KIF27: variants seen among roughly 807,000 people sequenced by gnomAD.
KIF27 encodes kinesin-like protein KIF27.
A neutral mutation model predicts 141.8 loss-of-function variants in KIF27; 84 were observed. That is an observed-to-expected ratio of 0.59 (90% confidence interval 0.50 to 0.71). The LOEUF (loss-of-function observed/expected upper bound fraction) is 0.71. Ranked by LOEUF, KIF27 falls within the 30% of genes least tolerant of loss-of-function variation. KIF27 has a pLI of 0.00. For missense variants in KIF27, 1,306 were observed against 1,628.4 expected (o/e 0.80, Z 3.41); for synonymous variants, 471 against 569.5 (o/e 0.83, Z 2.46).
At chr9:83,885,291 C>T (rs1030823970) in intron 9 of KIF27, among the ~76,000 whole-genome samples, 13 of 152,090 alleles carry the variant, frequency 8.5e-5, no homozygotes, top group African/African-American at 2.9e-4. Flanking sequence ...CAGGGTTTCA[C>T]CATGTTGGCC....
At chr9:83,840,404 T>C (rs894270680) in intron 17 of KIF27, among the ~76,000 whole-genome samples, 1 of 152,188 alleles carries the variant, frequency 6.6e-6, no homozygotes, top group Non-Finnish European at 1.5e-5. Flanking sequence ...AACAGTGTTG[T>C]TCTCATTTTA....
chr9:83,856,816 A>C (rs1459719559), intron 14 of KIF27, among the ~76,000 whole-genome samples: 1 of 150,502 alleles, frequency 6.6e-6, no homozygotes, highest in Non-Finnish European at 1.5e-5. Context: ...AGGCTGAGGC[A>C]GGAGAATTGC....
At chr9:83,913,162 CTGA>C (rs1955349352) in intron 2 of KIF27, among the ~76,000 whole-genome samples, 1 of 151,898 alleles carries the variant, frequency 6.6e-6, no homozygotes, top group African/African-American at 2.4e-5. Flanking sequence ...AAGGCCCTAT[CTGA>C]AAGCAAAATC....
rs1172539060 is a variant in KIF27, at chr9:83,834,839, TATC to T, written c.*2159_*2161del. ...TATACATTATAGCTATATAATGATA[TATC>T]ATGATATAAAATATGATATGAAATA... is the stretch of plus-strand genomic sequence containing the variant. On this transcript the variant is annotated 3_prime_UTR_variant, in exon 18 of 18. Transcript: ENST00000297814. Among the ~76,000 whole-genome samples the T allele has an allele frequency of 2.7e-5, 4 of 149,452 alleles. No homozygotes were observed. The highest frequency in any genetic ancestry group is 1.9e-4 in the East Asian group (1 of 5,162).
intron 11 of KIF27, among the ~76,000 whole-genome samples, chr9:83,878,535 T>C (rs1191646271): frequency 6.6e-6 from 1 of 152,140 alleles, no homozygotes; most frequent in African/African-American, 2.4e-5. Flanking sequence ...GATAAAGAAC[T>C]GTGGCATATC....
chr9:83,848,035 A>C (rs1947543660), intron 16 of KIF27: 1 of 119,036 alleles, frequency 8.4e-6, no homozygotes, highest in South Asian at 2.5e-4. Flanking sequence ...ATCTATATCT[A>C]TATATATCTA....
chr9:83,852,294 AC>A (rs1469414188), intron 15 of KIF27, among the ~76,000 whole-genome samples: 2 of 150,432 alleles, frequency 1.3e-5, no homozygotes, highest in Non-Finnish European at 3.0e-5. Context: ...AAAAAAAAAT[AC>A]AAAAAAAATT....
rs1468851801 is a variant in KIF27 at position 83,835,955 on chromosome 9, C to A, written c.*1046G>T. Among the ~76,000 whole-genome samples, 2 of 152,034 alleles carry A rather than the reference C, an allele frequency of 1.3e-5. No individual in the cohort carries two copies. Among genetic ancestry groups the A allele is most frequent in the African/African-American group, 4.8e-5 (2 of 41,394 alleles). ...AAATATGGTTAAAAAGTACAAACTA[C>A]ATTTGGTGTGCAAACTGTTTAGTTC... is the stretch of plus-strand genomic sequence containing the variant. On this transcript the variant is annotated 3_prime_UTR_variant, in exon 18 of 18. Transcript: ENST00000297814.
chr9:83,872,910 C>T (rs1950911994), intron 11 of KIF27, among the ~76,000 whole-genome samples: 1 of 152,136 alleles, frequency 6.6e-6, no homozygotes, highest in Non-Finnish European at 1.5e-5. Flanking sequence ...ATACAATTGC[C>T]CAGCCTTGCT....
chr9:83,837,455 G>C lies in KIF27; in HGVS notation c.3752C>G (p.Pro1251Arg). 6.2e-7 allele frequency: 1 copy of C among 1,612,658 alleles called. No homozygotes were observed. Among genetic ancestry groups the C allele is most frequent in the African/African-American group, 1.3e-5 (1 of 74,902 alleles). Reference protein sequence around the residue: ...YQEAGDGVLKPEGGGMLSEEL... With the variant: ...YQEAGDGVLKREGGGMLSEEL... Reference sequence around the variant, plus strand: ...TTCTGAAAGCATGCCTCCTCCTTCTGGCTTCAGGACTCCATCTCCAGCCTC... The same window carrying C: ...TTCTGAAAGCATGCCTCCTCCTTCTCGCTTCAGGACTCCATCTCCAGCCTC... Residue 1251 changes from proline to arginine, a missense_variant, in exon 18 of 18, where the codon CCA becomes CGA. Physicochemically the swap from Pro to Arg is moderately radical, Grantham distance 103. This residue lies in a region of KIF27 where 148 missense variants were observed against 250.9 expected (regional missense o/e 0.59). Coordinates refer to ENST00000297814, the MANE Select transcript of KIF27 (RefSeq NM_017576.4).
Position 83,842,502 on chromosome 9 carries a change from G to A in KIF27, c.3557-101C>T, listed in dbSNP as rs969203248. ...TTTTGAGACGGAGTCTCGCACTGTC[G>A]CCCAGGCTAGAGTGCAGTGGCGTGA... On this transcript the variant is annotated intron_variant, in intron 16 of 17. Coordinates refer to ENST00000297814, the MANE Select transcript of KIF27 (RefSeq NM_017576.4). The A allele has an allele frequency of 1.3e-5, 18 of 1,385,816 alleles. No homozygotes were observed. The African/African-American group carries it at 1.7e-4, about 13-fold the overall frequency. 85.8% of individuals were successfully genotyped at this position (1,385,816 alleles called of 1,614,324 possible). A position where few individuals can be genotyped will look rare whatever the true frequency, so the allele number is the denominator to read the frequency against.
intron 14 of KIF27, 105 bp from the exon 15 acceptor site, chr9:83,853,940 T>G: frequency 1.2e-6 from 1 of 807,930 alleles, no homozygotes; most frequent in South Asian, 1.7e-5. Flanking sequence ...ATATTACCAC[T>G]CTTGTACTAG....
chr9:83,910,460 A>G (rs1955032447), intron 2 of KIF27, among the ~76,000 whole-genome samples: 2 of 152,228 alleles, frequency 1.3e-5, no homozygotes, highest in African/African-American at 4.8e-5. Flanking sequence ...TTTTAAAAAA[A>G]ATTCTTGTAT....
At chr9:83,915,207 T>C (rs1227069439) in intron 2 of KIF27, 87 bp downstream of exon 2, 2 of 1,061,718 alleles carry the variant, frequency 1.9e-6, no homozygotes, top group South Asian at 1.7e-5. Context: ...ATCAATATGC[T>C]AAACACCTAC....
intron 14 of KIF27, chr9:83,858,596 A>C (rs1949528602): frequency 6.6e-6 from 1 of 152,482 alleles, no homozygotes; most frequent in Non-Finnish European, 1.5e-5. Flanking sequence ...GTTTTAAAAA[A>C]CTATAACTAA....
intron 4 of KIF27, 62 bp from the exon 5 acceptor site, chr9:83,899,866 G>T (rs1402942333): frequency 1.3e-5 from 19 of 1,411,792 alleles, no homozygotes; most frequent in Middle Eastern, 3.7e-4. Context: ...AACCCCATAT[G>T]ATAACACAAA....
intron 4 of KIF27, 85 bp downstream of exon 4, chr9:83,902,975 T>C: frequency 1.3e-6 from 1 of 744,428 alleles, no homozygotes; most frequent in Non-Finnish European, 2.1e-6. Flanking sequence ...TGTCTAAATA[T>C]GTTAACACAT....
intron 5 of KIF27, among the ~76,000 whole-genome samples, chr9:83,894,568 G>C (rs1484388897): frequency 6.6e-6 from 1 of 152,170 alleles, no homozygotes; most frequent in African/African-American, 2.4e-5. Flanking sequence ...GCTAGGCAAA[G>C]GGTGCCTTCA....
chr9:83,843,649 G>A (rs532508527), intron 16 of KIF27, among the ~76,000 whole-genome samples: 19 of 152,238 alleles, frequency 1.2e-4, no homozygotes, highest in Admixed American at 9.8e-4. Context: ...TTTTATGTCC[G>A]ATATTCAGTT....
Sources: gnomAD v4.1 joint callset for allele counts (sites outside exome capture counted in the v4.1 genomes callset) on GRCh38, gnomAD v4.1.1 for gene constraint, gnomAD v4.1.1 regional missense constraint, MANE v1.5 for transcripts, NCBI Gene and HGNC (gene_info 2026-07-23, HGNC 2026-07-21) for gene names.